The following PRR11 variants were observed in gnomAD, a reference collection of about 807,000 sequenced individuals.
PRR11 encodes the protein proline-rich protein 11.
PRR11 carries 30 observed loss-of-function variants against 45.6 expected under a neutral mutation model. The ratio of observed to expected loss-of-function variants is 0.66; its 90% CI spans 0.49 to 0.89. The LOEUF is 0.89. PRR11 is among the 40% of genes least tolerant of loss of function. PRR11 has a pLI of 0.00. For synonymous variants in PRR11, 128 were observed against 153.5 expected (o/e 0.83, Z 1.23); for missense variants, 373 against 424.8 (o/e 0.88, Z 1.07).
intron 1 of PRR11, among the ~76,000 whole-genome samples, chr17:59,157,338 ACATT>A (rs1255416028): frequency 1.4e-4 from 22 of 152,362 alleles, no homozygotes; most frequent in African/African-American, 5.3e-4. Flanking sequence ...GAAATGTAAT[ACATT>A]TTATAATAAA....
intron 9 of PRR11, among the ~76,000 whole-genome samples, chr17:59,198,198 T>A (rs2046875976): frequency 6.6e-6 from 1 of 152,172 alleles, no homozygotes; most frequent in Non-Finnish European, 1.5e-5. Context: ...TACCGTATTT[T>A]GCAAAGTATT....
intron 9 of PRR11, 161 bp downstream of exon 9, chr17:59,197,950 C>T (rs1469751375): frequency 3.3e-6 from 2 of 612,834 alleles, no homozygotes; most frequent in Non-Finnish European, 5.7e-6. Context: ...TCTGTCTCTA[C>T]AAAAAATACA....
intron 4 of PRR11, among the ~76,000 whole-genome samples, chr17:59,191,880 T>C (rs1235946908): frequency 6.6e-6 from 1 of 152,146 alleles, no homozygotes; most frequent in Non-Finnish European, 1.5e-5. Context: ...TCAGGATGAA[T>C]TAGCCAAAGG....
chr17:59,182,500 T>G (rs1308421534), intron 2 of PRR11, among the ~76,000 whole-genome samples: 1 of 150,508 alleles, frequency 6.6e-6, no homozygotes, highest in African/African-American at 2.5e-5. Flanking sequence ...CAAGTGATTC[T>G]CCTGTCTCAG....
Position 59,201,609 on chromosome 17 carries a change from G to A in PRR11, c.1061G>A (p.Ser354Asn). 6.2e-7 allele frequency: 1 copy of A among 1,613,430 alleles called. No individual in the cohort carries two copies. Among genetic ancestry groups the A allele is most frequent in the Non-Finnish European group, 8.5e-7 (1 of 1,179,978 alleles). ...SPTPTLPLST[S>N]SFDEQN ...ACTCCAACTCTGCCACTTTCTACAA[G>A]CAGCTTTGATGAACAAAACTGATGC... Residue 354 changes from serine to asparagine, a missense_variant, in exon 10 of 10, where the codon AGC becomes AAC. Transcript: ENST00000262293.
At chr17:59,159,531 A>G (rs1032200530) in intron 1 of PRR11, among the ~76,000 whole-genome samples, 3 of 152,126 alleles carry the variant, frequency 2.0e-5, no homozygotes, top group African/African-American at 7.2e-5. Flanking sequence ...CATAAATCCA[A>G]TTTCCACGAT....
Position 59,185,172 on chromosome 17 carries a change from A to G in PRR11, c.247A>G (p.Ile83Val), listed in dbSNP as rs1322537395. 2.5e-6 allele frequency: 4 copies of G among 1,614,002 alleles called. No homozygotes were observed. Among genetic ancestry groups the G allele is most frequent in the South Asian group, 2.2e-5 (2 of 91,084 alleles). ...ACTTTGGACAAATAGAGTATGGTCT[A>G]TATACAGCTGGTGCCAGAACTGCAT... ...IKLWTNRVWS[I>V]YSWCQNCITQ... Residue 83 changes from isoleucine (I) to valine (V), a missense_variant, in exon 3 of 10, where the codon ATA becomes GTA. Ile to Val is a conservative substitution (Grantham distance 29). Transcript: ENST00000262293.
chr17:59,180,048 C>T (rs563987297), intron 2 of PRR11, among the ~76,000 whole-genome samples: 1 of 152,110 alleles, frequency 6.6e-6, no homozygotes, highest in East Asian at 1.9e-4. Flanking sequence ...CCGCTCCTTC[C>T]CCTCCCCATT....
chr17:59,185,519 G>T lies in PRR11; in HGVS notation c.359G>T (p.Cys120Phe), dbSNP rs140414644. ...RELYSVKQQFCILESKLCKLQ... is the reference protein window; with the variant it reads ...RELYSVKQQFFILESKLCKLQ... ...CTTTACAGTGTAAAACAACAGTTTT[G>T]CATTTTGGAAAGTAAATTATGCAAG... Residue 120 changes from cysteine (C) to phenylalanine (F), a missense_variant, in exon 4 of 10, where the codon TGC becomes TTC. Physicochemically the swap from Cys to Phe is radical, Grantham distance 205. Coordinates refer to ENST00000262293, the MANE Select transcript of PRR11 (RefSeq NM_018304.4). 1.2e-6 allele frequency: 2 copies of T among 1,610,426 alleles called. No individual in the cohort carries two copies. Among genetic ancestry groups the T allele is most frequent in the Non-Finnish European group, 1.7e-6 (2 of 1,179,012 alleles).
intron 1 of PRR11, among the ~76,000 whole-genome samples, chr17:59,157,702 C>CA (rs1223109755): frequency 1.3e-5 from 2 of 150,978 alleles, no homozygotes; most frequent in Admixed American, 6.6e-5. Flanking sequence ...ACTCTGTCCA[C>CA]CCCCCCAAAA....
chr17:59,170,416 C>T (rs1296930703), intron 2 of PRR11, among the ~76,000 whole-genome samples: 1 of 151,420 alleles, frequency 6.6e-6, no homozygotes, highest in Admixed American at 6.6e-5. Context: ...TATTTATTTA[C>T]TTTTGAGACT....
intron 4 of PRR11, 49 bp downstream of exon 4, chr17:59,185,611 C>T (rs927289658): frequency 6.8e-7 from 1 of 1,472,618 alleles, no homozygotes; most frequent in Non-Finnish European, 9.3e-7. Context: ...TAAGGAGACA[C>T]TTTTTTTGAA....
At chr17:59,170,706 C>T (rs529192206) in intron 2 of PRR11, among the ~76,000 whole-genome samples, 1 of 152,302 alleles carries the variant, frequency 6.6e-6, no homozygotes, top group African/African-American at 2.4e-5. Flanking sequence ...GGTGTGAGCA[C>T]TGTACCCACC....
At chr17:59,195,582 C>T in intron 7 of PRR11, 139 bp downstream of exon 7, 2 of 558,050 alleles carry the variant, frequency 3.6e-6, no homozygotes, top group East Asian at 2.9e-5. Context: ...TATAGAAAAA[C>T]TGAAATCTAC....
intron 2 of PRR11, among the ~76,000 whole-genome samples, chr17:59,171,199 C>T (rs949363937): frequency 3.9e-5 from 6 of 151,974 alleles, no homozygotes; most frequent in Non-Finnish European, 2.9e-5. Flanking sequence ...GGAGGCAGAG[C>T]TTGCAGTGAG....
intron 2 of PRR11, among the ~76,000 whole-genome samples, chr17:59,179,183 A>G (rs575539608): frequency 3.3e-5 from 5 of 152,102 alleles, no homozygotes; most frequent in Admixed American, 2.6e-4. Context: ...TATTTTTAGT[A>G]GAGATCAGAT....
At chr17:59,178,888 A>G (rs2046764494) in intron 2 of PRR11, among the ~76,000 whole-genome samples, 1 of 152,202 alleles carries the variant, frequency 6.6e-6, no homozygotes, top group African/African-American at 2.4e-5. Flanking sequence ...TGGCCTAGGT[A>G]TCCCCCTCTA....
chr17:59,156,903 A>G (rs1223607045), intron 1 of PRR11, among the ~76,000 whole-genome samples: 4 of 152,234 alleles, frequency 2.6e-5, no homozygotes, highest in African/African-American at 9.6e-5. Context: ...CTGGGATTAC[A>G]GGCGTGAGCC....
intron 4 of PRR11, among the ~76,000 whole-genome samples, chr17:59,188,548 A>G (rs2046825092): frequency 6.6e-6 from 1 of 152,184 alleles, no homozygotes; most frequent in Admixed American, 6.6e-5. Flanking sequence ...AATACTATGT[A>G]GCCGTTAAGA....
Sources: gnomAD v4.1 joint callset for allele counts (sites outside exome capture counted in the v4.1 genomes callset) on GRCh38, gnomAD v4.1.1 for gene constraint, MANE v1.5 for transcripts, NCBI Gene and HGNC (gene_info 2026-07-23, HGNC 2026-07-21) for gene names.